Variants in LDAH observed in about 807,000 individuals in gnomAD.
LDAH encodes the protein lipid droplet associated hydrolase.
LDAH carries 26 observed loss-of-function variants against 29.6 expected under a neutral mutation model. The ratio of observed to expected loss-of-function variants is 0.88; its 90% CI spans 0.64 to 1.22. The LOEUF is 1.22. LDAH is among the 50% of genes most tolerant of loss of function. The probability of loss-of-function intolerance (pLI) is 0.00; values close to 1 mark genes in which losing one functional copy is unlikely to be tolerated. For synonymous variants in LDAH, 117 were observed against 133.0 expected, an observed-to-expected ratio of 0.88 and a Z score of 0.83; for missense variants, 344 against 387.3, an observed-to-expected ratio of 0.89 and a Z score of 0.94.
intron 5 of LDAH, among the ~76,000 whole-genome samples, chr2:20,735,146 G>A (rs1402698844): frequency 6.6e-6 from 1 of 152,134 alleles, no homozygotes; most frequent in Non-Finnish European, 1.5e-5. Flanking sequence ...TCAGCTTCTT[G>A]AATCTGTAAA....
chr2:20,756,629 T>C (rs986768328), intron 4 of LDAH, among the ~76,000 whole-genome samples: 14 of 152,022 alleles, frequency 9.2e-5, no homozygotes, highest in African/African-American at 3.4e-4. Context: ...ATTAGATGAA[T>C]TGGAAGATAA....
intron 5 of LDAH, among the ~76,000 whole-genome samples, chr2:20,706,870 G>C (rs1012211450): frequency 6.6e-6 from 1 of 152,214 alleles, no homozygotes; most frequent in African/African-American, 2.4e-5. Flanking sequence ...GTGCAAGAAG[G>C]AGAAGTACAA....
intron 5 of LDAH, among the ~76,000 whole-genome samples, chr2:20,731,124 T>C (rs1436796860): frequency 6.6e-6 from 1 of 152,192 alleles, no homozygotes; most frequent in Non-Finnish European, 1.5e-5. Flanking sequence ...AATATGCATA[T>C]CAATTTAGGA....
At chr2:20,723,963 CATT>C (rs1665844841) in intron 5 of LDAH, among the ~76,000 whole-genome samples, 1 of 152,164 alleles carries the variant, frequency 6.6e-6, no homozygotes, top group African/African-American at 2.4e-5. Flanking sequence ...TATTTACTAA[CATT>C]ATTTTCTAAG....
intron 2 of LDAH, among the ~76,000 whole-genome samples, chr2:20,797,858 A>T (rs1178399317): frequency 6.6e-6 from 1 of 152,236 alleles, no homozygotes; most frequent in Non-Finnish European, 1.5e-5. Context: ...CGCTATTAGA[A>T]TGAAATGAGT....
At chr2:20,735,288 G>A (rs1666696398) in intron 5 of LDAH, among the ~76,000 whole-genome samples, 1 of 152,156 alleles carries the variant, frequency 6.6e-6, no homozygotes, top group African/African-American at 2.4e-5. Flanking sequence ...ACAGGTCCCT[G>A]AGGTTCTGTT....
chr2:20,748,940 G>T (rs1311750304), intron 4 of LDAH, among the ~76,000 whole-genome samples: 4 of 152,116 alleles, frequency 2.6e-5, no homozygotes, highest in African/African-American at 9.7e-5. Flanking sequence ...AATGGCACTG[G>T]GACTGTTCTA....
chr2:20,716,808 C>A (rs1665239890), intron 5 of LDAH, among the ~76,000 whole-genome samples: 1 of 132,100 alleles, frequency 7.6e-6, no homozygotes. Flanking sequence ...TAAAGCCACA[C>A]AAAATGGATG....
chr2:20,797,990 A>G (rs1000203753), intron 2 of LDAH, among the ~76,000 whole-genome samples: 1 of 152,208 alleles, frequency 6.6e-6, no homozygotes, highest in Non-Finnish European at 1.5e-5. Context: ...AAATGTGGGT[A>G]GAGAATCTTC....
chr2:20,738,705 C>T (rs754354651), intron 5 of LDAH, among the ~76,000 whole-genome samples: 1 of 151,976 alleles, frequency 6.6e-6, no homozygotes, highest in Non-Finnish European at 1.5e-5. Context: ...CTTTTTAAAC[C>T]ACTATGCTAA....
intron 4 of LDAH, among the ~76,000 whole-genome samples, chr2:20,746,471 C>T (rs113916819): frequency 0.03 from 4,533 of 152,202 alleles, 221 homozygotes; most frequent in African/African-American, 0.1. Flanking sequence ...GAATGCGTCA[C>T]TGCCTTGTAA....
At chr2:20,738,067 C>T (rs1666918304) in intron 5 of LDAH, among the ~76,000 whole-genome samples, 1 of 150,992 alleles carries the variant, frequency 6.6e-6, no homozygotes, top group Non-Finnish European at 1.5e-5. Flanking sequence ...GCCTGGCCTA[C>T]ATGGTGAAAC....
intron 5 of LDAH, among the ~76,000 whole-genome samples, chr2:20,718,618 AATT>A (rs1665416238): frequency 2.0e-5 from 3 of 152,144 alleles, no homozygotes; most frequent in Non-Finnish European, 2.9e-5. Context: ...CCAGGCAGAA[AATT>A]AACAAAGAAA....
chr2:20,706,197 G>T (rs548842306), intron 5 of LDAH, among the ~76,000 whole-genome samples: 4 of 152,298 alleles, frequency 2.6e-5, no homozygotes, highest in African/African-American at 9.6e-5. Context: ...AATGAAAAAT[G>T]AATATTAGTG....
intron 3 of LDAH, among the ~76,000 whole-genome samples, chr2:20,783,189 T>A (rs536907865): frequency 2.1e-4 from 32 of 152,334 alleles, no homozygotes; most frequent in Non-Finnish European, 1.6e-4. Flanking sequence ...ATACCTTGTA[T>A]AATTTATACT....
chr2:20,742,366 C>T (rs796487516), intron 4 of LDAH, among the ~76,000 whole-genome samples: 21 of 152,262 alleles, frequency 1.4e-4, no homozygotes, highest in African/African-American at 4.8e-4. Flanking sequence ...TTACTGCCTG[C>T]TGGATCTGTC....
At chr2:20,810,315 A>G (rs1672381719) in intron 1 of LDAH, among the ~76,000 whole-genome samples, 1 of 152,228 alleles carries the variant, frequency 6.6e-6, no homozygotes, top group Admixed American at 6.5e-5. Flanking sequence ...AAGCTTCTTC[A>G]GAAAATGGTG....
chr2:20,723,073 T>A lies in LDAH; in HGVS notation c.703+16898A>T, dbSNP rs1015621171. Among the ~76,000 whole-genome samples, 5 of 152,216 alleles carry A rather than the reference T, an allele frequency of 3.3e-5. No individual in the cohort carries two copies. In the East Asian group the frequency reaches 9.6e-4, roughly 29 times the overall value. ...ATGCTCTTGACAGTATTATTTTTAG[T>A]AGTACCACATTGGAAACAACCCAAG... is the stretch of plus-strand genomic sequence containing the variant. On this transcript the variant is annotated intron_variant, in intron 5 of 6. Transcript: ENST00000237822.
chr2:20,701,588 T>C lies in LDAH; in HGVS notation c.768A>G (p.Ile256Met), dbSNP rs1404884400. 3 of 1,613,990 alleles carry C rather than the reference T, an allele frequency of 1.9e-6. No homozygotes were observed. The East Asian group carries it at 6.7e-5, about 36-fold the overall frequency. ...MEVVKRDDET[I>M]KEHLCKLTFY... ...TGATTACCTTACATAAATGCTCCTTTATGGTTTCGTCATCTCTCTTCACCA... is the reference window on the plus strand; with the variant it reads ...TGATTACCTTACATAAATGCTCCTTCATGGTTTCGTCATCTCTCTTCACCA... The change falls in exon 6 of 7, where the codon ATA (isoleucine) becomes ATG (methionine). Residue 256 changes from isoleucine to methionine, a missense_variant. By Grantham distance (10) the Ile-to-Met change is conservative. Coordinates refer to ENST00000237822, the MANE Select transcript of LDAH (RefSeq NM_021925.4).
Sources: allele counts gnomAD v4.1 joint callset (sites outside exome capture counted in the v4.1 genomes callset), GRCh38; gene constraint gnomAD v4.1.1; transcripts MANE v1.5; gene names NCBI Gene and HGNC (gene_info 2026-07-23, HGNC 2026-07-21).